NUMBL: variants seen among roughly 807,000 people sequenced by gnomAD.
NUMBL encodes NUMB like endocytic adaptor protein, also known as numb-like protein.
Under a neutral mutation model 48.9 loss-of-function variants are expected in NUMBL, and 20 were observed. The ratio of observed to expected loss-of-function variants is 0.41; its 90% CI spans 0.29 to 0.59. NUMBL has a LOEUF of 0.59. NUMBL is among the 20% of genes least tolerant of loss of function. The pLI is 0.31. For synonymous variants in NUMBL, 340 were observed against 348.7 expected (o/e 0.98, Z 0.28); for missense variants, 660 against 846.2 (o/e 0.78, Z 2.73).
At chr19:40,671,316 T>C (rs1030276261) in intron 8 of NUMBL, among the ~76,000 whole-genome samples, 4 of 152,140 alleles carry the variant, frequency 2.6e-5, no homozygotes, top group Non-Finnish European at 4.4e-5. Context: ...GGAGTGTGTG[T>C]GACTTGAGAG....
rs2081860440 is a variant in NUMBL at position 40,673,688 on chromosome 19, C to T, written c.731-39G>A. On this transcript the variant is annotated intron_variant, in intron 7 of 9. Transcript: ENST00000252891. The surrounding 1 kb of genome is among the most constrained non-coding windows in gnomAD (Gnocchi z 5.9). Reference sequence around the variant, plus strand: ...GGAGATGGATGGTTAGATATCTCACCATGGCATGCAAGGCCTCTCCCACCT... The same window carrying T: ...GGAGATGGATGGTTAGATATCTCACTATGGCATGCAAGGCCTCTCCCACCT... The T allele has an allele frequency of 2.1e-6, 3 of 1,444,514 alleles. No homozygotes were observed. 89.5% of individuals were successfully genotyped at this position (1,444,514 alleles called of 1,614,324 possible).
chr19:40,673,619 G>A lies in NUMBL; in HGVS notation c.761C>T (p.Pro254Leu). The A allele has an allele frequency of 2.0e-6, 3 of 1,509,532 alleles. No homozygotes were observed. The highest frequency in any genetic ancestry group is 1.8e-6 in the Non-Finnish European group (2 of 1,124,046). The allele number at this position is 1,509,532 out of a possible 1,614,324, so 93.5% of individuals were successfully genotyped here. ...CACGTGCCCAGGCTGGGCAGGGCCA[G>A]GAGCCACAGTGGGGGCAGCTGCTGC... ...AEAAAAPTVA[P>L]GPAQPGHVSP... Residue 254 changes from proline to leucine, a missense_variant, in exon 8 of 10, where the codon CCT becomes CTT. Transcript: ENST00000252891. The surrounding 1 kb of genome is among the most constrained non-coding windows in gnomAD (Gnocchi z 5.9).
chr19:40,670,579 TAAAC>T (rs757271308), intron 8 of NUMBL, among the ~76,000 whole-genome samples: 197 of 151,974 alleles, frequency 1.3e-3, no homozygotes, highest in Admixed American at 2.7e-3. Context: ...ACCATCCAAA[TAAAC>T]AATTAAGGAC....
At chr19:40,671,613 G>A (rs1183500284) in intron 8 of NUMBL, among the ~76,000 whole-genome samples, 3 of 152,124 alleles carry the variant, frequency 2.0e-5, no homozygotes, top group Admixed American at 6.5e-5. Flanking sequence ...GGGAGCGTGC[G>A]TCACTCTCAA....
chr19:40,672,894 G>A (rs2144651971), intron 8 of NUMBL, among the ~76,000 whole-genome samples: 1 of 152,262 alleles, frequency 6.6e-6, no homozygotes, highest in South Asian at 2.1e-4. Flanking sequence ...TGCTTGGAGG[G>A]AGGGAGCATT....
intron 7 of NUMBL, among the ~76,000 whole-genome samples, chr19:40,674,891 C>T (rs1402959316): frequency 6.6e-6 from 1 of 152,128 alleles, no homozygotes; most frequent in African/African-American, 2.4e-5. Context: ...GTAATCCCAG[C>T]ACTTTGAGAG....
In NUMBL at chr19:40,680,137, T is replaced by TG. The variant is rs565550409; in HGVS notation, c.540+779_540+780insC. Among the ~76,000 whole-genome samples the TG allele has an allele frequency of 1.0e-3, 159 of 151,942 alleles. 2 individuals are homozygous for TG. Among genetic ancestry groups the TG allele is most frequent in the African/African-American group, 3.7e-3 (152 of 41,460 alleles). The stretch of plus-strand genomic sequence containing the variant: ...ATTCTCATCCCCAAATAGTTTTTTT[T>TG]TTTTGTTTTCTTGAGACAGAGTCTC... On this transcript the variant is annotated intron_variant, in intron 6 of 9. Transcript: ENST00000252891.
chr19:40,674,214 A>AT (rs1326249932), intron 7 of NUMBL, among the ~76,000 whole-genome samples: 4 of 151,806 alleles, frequency 2.6e-5, no homozygotes, highest in Admixed American at 6.6e-5. Flanking sequence ...CTGTCTCTCC[A>AT]TATCATGTTG....
rs1166903905 is a variant in NUMBL at position 40,687,754 on chromosome 19, A to G, written c.25-759T>C. Among the ~76,000 whole-genome samples, 2 of 152,168 alleles carry G rather than the reference A, an allele frequency of 1.3e-5. No homozygotes were observed. The highest frequency in any genetic ancestry group is 1.3e-4 in the Admixed American group (2 of 15,282). On this transcript the variant is annotated intron_variant, in intron 1 of 9. Coordinates refer to ENST00000252891, the MANE Select transcript of NUMBL (RefSeq NM_004756.5). This position sits in a 1 kb window ranked among gnomAD's most constrained non-coding sequence, Gnocchi z 4.6. ...TTCACCCATTTGCTGACCCAGTCCCACACGACACAATCGCAGCTATATACA... is the reference window on the plus strand; with the variant it reads ...TTCACCCATTTGCTGACCCAGTCCCGCACGACACAATCGCAGCTATATACA...
In NUMBL at chr19:40,667,972, C is replaced by T. The variant is rs756803587; in HGVS notation, c.1326G>A (p.Gln442=). 7 of 1,460,590 alleles carry T rather than the reference C, an allele frequency of 4.8e-6. No homozygotes were observed. In the South Asian group the frequency reaches 6.1e-5, roughly 13 times the overall value. 90.5% of individuals were successfully genotyped at this position (1,460,590 alleles called of 1,614,324 possible). ...CCACTGAGGCTGCTTGCTGCTGTTG[C>T]TGCTGCTGCTGCTGCTGCTGTTGCT... ...QQQQQQQQQQ[Q]QQQQAASVAP... Residue 442 remains glutamine (Q), a synonymous_variant, in exon 10 of 10, where the codon CAG becomes CAA. Coordinates refer to ENST00000252891, the MANE Select transcript of NUMBL (RefSeq NM_004756.5). This position sits in a 1 kb window ranked among gnomAD's most constrained non-coding sequence, Gnocchi z 6.1.
chr19:40,690,137 G>C (rs2081957293), intron 1 of NUMBL: 1 of 266,934 alleles, frequency 3.7e-6, no homozygotes, highest in Non-Finnish European at 7.0e-6. Flanking sequence ...CGGGGGCTGT[G>C]TCCCCGACCC....
At position 40,681,071 on chromosome 19, in the gene NUMBL, G is replaced by T. The variant is rs1404469864; in HGVS notation, c.400-14C>A. On this transcript the variant is annotated splice_polypyrimidine_tract_variant and intron_variant, in intron 5 of 9. Transcript: ENST00000252891. ...GACCAGAAGATCCTAGGAGGGGCCGGGGAGGCCAGGAGAAGAGTGTGAACT... is the reference window on the plus strand; with the variant it reads ...GACCAGAAGATCCTAGGAGGGGCCGTGGAGGCCAGGAGAAGAGTGTGAACT... 2 of 1,613,498 alleles carry T rather than the reference G, an allele frequency of 1.2e-6. No individual in the cohort carries two copies. The highest frequency in any genetic ancestry group is 2.7e-5 in the African/African-American group (2 of 74,926).
At position 40,687,206 on chromosome 19, in the gene NUMBL, G is replaced by T. The variant is rs2081939711; in HGVS notation, c.25-211C>A. Among the ~76,000 whole-genome samples the T allele has an allele frequency of 6.6e-6, 1 of 152,188 alleles. No individual in the cohort carries two copies. Among genetic ancestry groups the T allele is most frequent in the Non-Finnish European group, 1.5e-5 (1 of 68,012 alleles). On this transcript the variant is annotated intron_variant, in intron 1 of 9. Coordinates refer to ENST00000252891, the MANE Select transcript of NUMBL (RefSeq NM_004756.5). The surrounding 1 kb of genome is among the most constrained non-coding windows in gnomAD (Gnocchi z 4.6). ...GGTATGTTTGGGGGGCATATGTTGG[G>T]GATGTGCTGGCCTCAGGAGAGCCTC...
chr19:40,684,378 GTCC>G, intron 3 of NUMBL, 36 bp downstream of exon 3: 2 of 1,531,292 alleles, frequency 1.3e-6, no homozygotes, highest in Non-Finnish European at 1.7e-6. Flanking sequence ...AGCGGCCCCC[GTCC>G]CCCTCGCCCC....
At chr19:40,679,601 C>T (rs1255691371) in intron 6 of NUMBL, among the ~76,000 whole-genome samples, 1 of 151,786 alleles carries the variant, frequency 6.6e-6, no homozygotes, top group African/African-American at 2.4e-5. Context: ...TTGCTTGAAC[C>T]CGGGAGGCAG....
intron 9 of NUMBL, among the ~76,000 whole-genome samples, chr19:40,668,744 C>CCA (rs752518579): frequency 6.6e-5 from 10 of 152,170 alleles, no homozygotes; most frequent in Middle Eastern, 3.2e-3. Flanking sequence ...CAGGCATGAG[C>CCA]CACCACACCC....
intron 6 of NUMBL, among the ~76,000 whole-genome samples, chr19:40,677,777 G>C (rs1025254269): frequency 6.6e-6 from 1 of 152,128 alleles, no homozygotes; most frequent in Non-Finnish European, 1.5e-5. Flanking sequence ...GAGCCCAGGA[G>C]GTCAAGGCTG....
At chr19:40,680,872 C>A in intron 6 of NUMBL, 45 bp downstream of exon 6, 1 of 1,610,326 alleles carries the variant, frequency 6.2e-7, no homozygotes, top group South Asian at 1.1e-5. Flanking sequence ...GGCTGGGATG[C>A]CAGGGCATGG....
chr19:40,684,737 A>G, intron 2 of NUMBL, 181 bp from the exon 3 acceptor site: 1 of 822,708 alleles, frequency 1.2e-6, no homozygotes. Flanking sequence ...CAGTGAGGAA[A>G]GGAGCCAACA....
Sources: gnomAD v4.1 joint callset for allele counts (sites outside exome capture counted in the v4.1 genomes callset) on GRCh38, gnomAD v4.1.1 for gene constraint, Gnocchi (gnomAD v3.1) non-coding constraint, MANE v1.5 for transcripts, NCBI Gene and HGNC (gene_info 2026-07-23, HGNC 2026-07-21) for gene names.